CDH18: variants seen among roughly 807,000 people sequenced by gnomAD.
CDH18 encodes the protein cadherin-18.
A neutral mutation model predicts 67.9 loss-of-function variants in CDH18; 31 were observed. The observed-to-expected ratio is 0.46, with a 90% CI of 0.34 to 0.62. CDH18 has a LOEUF of 0.62. Ranked by LOEUF, CDH18 falls within the 20% of genes least tolerant of loss-of-function variation. CDH18 has a pLI of 0.01. For missense variants in CDH18, 890 were observed against 975.5 expected (o/e 0.91, Z 1.17); for synonymous variants, 362 against 347.2 (o/e 1.04, Z -0.48).
chr5:20,048,982 A>G (rs181763841), intron 2 of CDH18, among the ~76,000 whole-genome samples: 35 of 151,894 alleles, frequency 2.3e-4, no homozygotes, highest in African/African-American at 8.2e-4. Flanking sequence ...TGGTTTAAAT[A>G]AAATAGAATT....
intron 1 of CDH18, among the ~76,000 whole-genome samples, chr5:20,283,004 A>G (rs1746404219): frequency 6.6e-6 from 1 of 152,140 alleles, no homozygotes; most frequent in Non-Finnish European, 1.5e-5. Context: ...TATGCCCAGA[A>G]CATACACTGG....
At chr5:19,791,347 C>T (rs1165290400) in intron 3 of CDH18, among the ~76,000 whole-genome samples, 3 of 65,248 alleles carry the variant, frequency 4.6e-5, no homozygotes, top group East Asian at 4.0e-4. Context: ...TCTTGCAATT[C>T]GACTTTTAAA....
chr5:19,742,893 CATT>C (rs1479502562), intron 4 of CDH18, among the ~76,000 whole-genome samples: 9 of 152,142 alleles, frequency 5.9e-5, no homozygotes, highest in Admixed American at 6.5e-5. Flanking sequence ...CACCTGCTTA[CATT>C]ATTATTAGTC....
intron 1 of CDH18, among the ~76,000 whole-genome samples, chr5:20,324,707 A>G (rs1464036557): frequency 6.6e-6 from 1 of 152,206 alleles, no homozygotes; most frequent in Non-Finnish European, 1.5e-5. Context: ...TGTAGTAAGA[A>G]GGTTCTATGT....
At position 19,748,134 on chromosome 5, in the gene CDH18, G is replaced by T. The variant is rs73055697; in HGVS notation, c.229-898C>A. The stretch of plus-strand genomic sequence containing the variant: ...TCTCAAAAAAAAAAAAAAAAAAAAA[G>T]AGTACTTTTTTAGGGATAGAGTATT... On this transcript the variant is annotated intron_variant, in intron 3 of 12. Coordinates refer to ENST00000382275, the MANE Select transcript of CDH18 (RefSeq NM_004934.5). Among the ~76,000 whole-genome samples the T allele has an allele frequency of 1.3e-4, 9 of 67,144 alleles. 2 individuals are homozygous for T. Among genetic ancestry groups the T allele is most frequent in the African/African-American group, 2.7e-4 (4 of 14,618 alleles). 44.0% of individuals were successfully genotyped at this position (67,144 alleles called of 152,430 possible).
At chr5:19,824,231 G>A (rs1488885401) in intron 3 of CDH18, among the ~76,000 whole-genome samples, 1 of 152,084 alleles carries the variant, frequency 6.6e-6, no homozygotes, top group Non-Finnish European at 1.5e-5. Context: ...CACAGAGGGG[G>A]AGCAAAACAG....
chr5:19,536,463 T>G (rs922796394), intron 9 of CDH18, among the ~76,000 whole-genome samples: 1 of 152,206 alleles, frequency 6.6e-6, no homozygotes, highest in East Asian at 1.9e-4. Flanking sequence ...TTCAGAGGAT[T>G]AAGCTGAAAA....
At chr5:19,522,826 C>A (rs570905898) in intron 9 of CDH18, among the ~76,000 whole-genome samples, 1 of 140,018 alleles carries the variant, frequency 7.1e-6, no homozygotes. Flanking sequence ...ACCTGGGAGG[C>A]GGAGGCTGCA....
rs527722617 is a variant in CDH18, at chr5:20,337,165, G to C, written c.-579-81660C>G. ...CTACGCTATTCACTCTGTGGTGTCT[G>C]TGTGGCACAGAGGTCTCTGCCATGA... On this transcript the variant is annotated intron_variant, in intron 1 of 14. Coordinates refer to the CDH18 transcript ENST00000507958. 5.3e-5 allele frequency among the ~76,000 whole-genome samples: 8 copies of C among 152,298 alleles called. No individual in the cohort carries two copies. In the South Asian group the frequency reaches 1.7e-3, roughly 32 times the overall value.
chr5:19,666,297 G>A (rs566281684), intron 5 of CDH18, among the ~76,000 whole-genome samples: 3 of 146,180 alleles, frequency 2.1e-5, no homozygotes, highest in East Asian at 2.0e-4. Context: ...CTCTAGAGAC[G>A]GGGTCTCATC....
At chr5:20,053,416 A>G (rs1209670075) in intron 2 of CDH18, among the ~76,000 whole-genome samples, 1 of 151,830 alleles carries the variant, frequency 6.6e-6, no homozygotes, top group East Asian at 1.9e-4. Flanking sequence ...TTAAAATGCC[A>G]TCTAGATGAT....
chr5:19,504,286 C>CGTG (rs893934265), intron 10 of CDH18, among the ~76,000 whole-genome samples: 29 of 152,004 alleles, frequency 1.9e-4, no homozygotes, highest in Non-Finnish European at 4.0e-4. Context: ...ACTCTTTCAC[C>CGTG]GCCTTTCCAT....
chr5:20,031,517 A>G (rs1279853254), intron 2 of CDH18, among the ~76,000 whole-genome samples: 2 of 151,980 alleles, frequency 1.3e-5, no homozygotes, highest in African/African-American at 2.4e-5. Context: ...ATAAAGTGAG[A>G]CCTTCGATTC....
intron 5 of CDH18, among the ~76,000 whole-genome samples, chr5:19,646,174 T>C (rs1026335009): frequency 9.9e-5 from 15 of 151,998 alleles, no homozygotes; most frequent in African/African-American, 3.6e-4. Context: ...AGGAGAGAAA[T>C]AAAAATGTCA....
intron 5 of CDH18, among the ~76,000 whole-genome samples, chr5:19,694,098 C>G (rs1405259778): frequency 6.6e-6 from 1 of 152,104 alleles, no homozygotes; most frequent in Non-Finnish European, 1.5e-5. Context: ...GACGCACAAA[C>G]AGAAACTCAG....
intron 3 of CDH18, among the ~76,000 whole-genome samples, chr5:19,755,853 G>C (rs902159463): frequency 8.6e-5 from 13 of 151,884 alleles, no homozygotes; most frequent in African/African-American, 3.1e-4. Flanking sequence ...CTTTGTATTT[G>C]CTGACAGCTA....
intron 2 of CDH18, among the ~76,000 whole-genome samples, chr5:19,953,184 A>G (rs1365572812): frequency 2.0e-5 from 3 of 152,122 alleles, no homozygotes; most frequent in Non-Finnish European, 4.4e-5. Context: ...AAAGTCTAGA[A>G]TACCTATGGT....
At chr5:20,055,843 T>G (rs527548180) in intron 2 of CDH18, among the ~76,000 whole-genome samples, 1 of 152,212 alleles carries the variant, frequency 6.6e-6, no homozygotes, top group East Asian at 1.9e-4. Flanking sequence ...TCCTTTACAT[T>G]AATAACAGGC....
intron 1 of CDH18, among the ~76,000 whole-genome samples, chr5:20,443,020 T>C (rs1256456619): frequency 1.3e-5 from 2 of 150,548 alleles, no homozygotes; most frequent in South Asian, 2.1e-4. Context: ...CCATCCCGGC[T>C]AAAACGGTGA....
Sources: allele counts gnomAD v4.1 joint callset (sites outside exome capture counted in the v4.1 genomes callset), GRCh38; gene constraint gnomAD v4.1.1; transcripts MANE v1.5; gene names NCBI Gene and HGNC (gene_info 2026-07-23, HGNC 2026-07-21).